The following CDH19 variants were observed in gnomAD, a reference collection of about 807,000 sequenced individuals.
CDH19 encodes the protein cadherin-19.
In CDH19, 67 loss-of-function variants were observed where a neutral mutation model predicts 64.2. That is an observed-to-expected ratio of 1.04 (90% CI 0.86 to 1.28). The LOEUF is 1.28. Ranked by LOEUF, CDH19 falls within the 50% of genes most tolerant of loss-of-function variation. The pLI, the probability that CDH19 is intolerant of heterozygous loss-of-function variation, is 0.00. For missense variants in CDH19, 1,030 were observed against 929.0 expected (o/e 1.11, Z -1.41); for synonymous variants, 346 against 319.3 (o/e 1.08, Z -0.89).
chr18:66,510,693 T>C (rs971368918), intron 10 of CDH19, among the ~76,000 whole-genome samples: 2 of 150,730 alleles, frequency 1.3e-5, no homozygotes, highest in Non-Finnish European at 3.0e-5. Context: ...AGTCTGGAGA[T>C]TTGTCAAAGA....
intron 1 of CDH19, among the ~76,000 whole-genome samples, chr18:66,583,803 A>C (rs1169851542): frequency 6.6e-6 from 1 of 152,126 alleles, no homozygotes; most frequent in Admixed American, 6.6e-5. Flanking sequence ...AGCCATATAC[A>C]AAAGATTGAA....
chr18:66,535,314 T>C (rs8091232), intron 7 of CDH19, among the ~76,000 whole-genome samples: 2,603 of 151,766 alleles, frequency 0.017, 64 homozygotes, highest in African/African-American at 0.058. Flanking sequence ...TGACTTTAGA[T>C]TTAAATTGAT....
intron 1 of CDH19, among the ~76,000 whole-genome samples, chr18:66,581,256 A>G (rs919623677): frequency 1.3e-5 from 2 of 152,160 alleles, no homozygotes; most frequent in Non-Finnish European, 2.9e-5. Context: ...TATTAGCACA[A>G]TATTAGATAC....
intron 3 of CDH19, among the ~76,000 whole-genome samples, chr18:66,562,875 T>A (rs1987773293): frequency 6.6e-6 from 1 of 152,092 alleles, no homozygotes; most frequent in Non-Finnish European, 1.5e-5. Flanking sequence ...TATCCAAACA[T>A]CAGATGTATT....
chr18:66,559,750 A>T (rs1987651803), intron 3 of CDH19, among the ~76,000 whole-genome samples: 1 of 151,130 alleles, frequency 6.6e-6, no homozygotes, highest in South Asian at 2.1e-4. Flanking sequence ...AATATATATG[A>T]AAAGAAATAA....
intron 9 of CDH19, among the ~76,000 whole-genome samples, chr18:66,524,569 T>TATATATATATATATATAAAA (rs1276593665): frequency 7.4e-6 from 1 of 135,164 alleles, no homozygotes; most frequent in African/African-American, 2.6e-5. Context: ...TATATATATA[T>TATATATATATATATATAAAA]AAACATCATC....
At chr18:66,566,637 A>G (rs548028172) in intron 3 of CDH19, among the ~76,000 whole-genome samples, 1 of 152,022 alleles carries the variant, frequency 6.6e-6, no homozygotes, top group South Asian at 2.1e-4. Flanking sequence ...TCTTCAACTT[A>G]CCAAATCAAA....
At chr18:66,522,765 T>C (rs1021789309) in intron 9 of CDH19, among the ~76,000 whole-genome samples, 2 of 151,734 alleles carry the variant, frequency 1.3e-5, no homozygotes, top group African/African-American at 4.8e-5. Flanking sequence ...TTTATGTATT[T>C]ATTAGACATT....
At chr18:66,595,385 A>G (rs979766479) in intron 1 of CDH19, among the ~76,000 whole-genome samples, 5 of 151,796 alleles carry the variant, frequency 3.3e-5, no homozygotes, top group African/African-American at 4.8e-5. Context: ...ACATCAACAA[A>G]ACCAAAGTTG....
chr18:66,521,003 C>A (rs970699301), intron 9 of CDH19, among the ~76,000 whole-genome samples: 8 of 151,830 alleles, frequency 5.3e-5, no homozygotes, highest in Non-Finnish European at 1.2e-4. Flanking sequence ...CCAAAACACC[C>A]TTTACTTTGG....
rs766428987 is a variant in CDH19, at chr18:66,502,742, CTT to C, written c.*2068_*2069del. The C allele has an allele frequency of 4.6e-5, 7 of 151,764 alleles. No homozygotes were observed. The highest frequency in any genetic ancestry group is 7.2e-5 in the African/African-American group (3 of 41,388). The allele number at this position is 151,764 out of a possible 1,614,324, so 9.4% of individuals were successfully genotyped here. On this transcript the variant is annotated 3_prime_UTR_variant, in exon 12 of 12. Coordinates refer to ENST00000262150, the MANE Select transcript of CDH19 (RefSeq NM_021153.4). ...AAATTTTTGCTCCTTTAAATTTTCT[CTT>C]GTTTGGTATTTTTCCTCTTTCCTAA...
At chr18:66,578,261 CA>C (rs1988323008) in intron 1 of CDH19, among the ~76,000 whole-genome samples, 1 of 151,792 alleles carries the variant, frequency 6.6e-6, no homozygotes, top group Admixed American at 6.6e-5. Context: ...TCAGAGTGTA[CA>C]AGGACTTTCA....
intron 1 of CDH19, among the ~76,000 whole-genome samples, chr18:66,602,831 A>G (rs1297089177): frequency 6.6e-6 from 1 of 151,824 alleles, no homozygotes; most frequent in African/African-American, 2.4e-5. Context: ...ATTGTTAGTT[A>G]TTTTATTTGG....
At position 66,559,977 on chromosome 18, in the gene CDH19, T is replaced by C. The variant is rs978714133; in HGVS notation, c.491-5453A>G. Among the ~76,000 whole-genome samples the C allele has an allele frequency of 1.1e-4, 17 of 152,088 alleles. No homozygotes were observed. The East Asian group carries it at 2.1e-3, about 19-fold the overall frequency. On this transcript the variant is annotated intron_variant, in intron 3 of 11. Coordinates refer to ENST00000262150, the MANE Select transcript of CDH19 (RefSeq NM_021153.4). ...ACAATTAAAAAATAAGTAAAATTTG[T>C]ATGGAAAAACAAGGACCAAGTATGG...
At chr18:66,530,330 T>A (rs1291994775) in intron 8 of CDH19, among the ~76,000 whole-genome samples, 6 of 152,082 alleles carry the variant, frequency 3.9e-5, no homozygotes, top group African/African-American at 1.4e-4. Flanking sequence ...GATCAATATA[T>A]GGATTATTAT....
rs766362852 is a variant in CDH19, at chr18:66,551,247, T to C, written c.622A>G (p.Ile208Val). Reference sequence around the variant, plus strand: ...AGTTCTCTATCCATTTTAGAAGATATTCTTATGACTCCTTTAAAAATATAA... The same window carrying C: ...AGTTCTCTATCCATTTTAGAAGATACTCTTATGACTCCTTTAAAAATATAA... ...SVEPTTGVIR[I>V]SSKMDRELQD... The change falls in exon 5 of 12, where the codon ATA (isoleucine) becomes GTA (valine). Residue 208 changes from isoleucine (I) to valine (V), a missense_variant. By Grantham distance (29) the Ile-to-Val change is conservative (BLOSUM62 3). Transcript: ENST00000262150. The C allele has an allele frequency of 1.4e-6, 2 of 1,411,304 alleles. No homozygotes were observed. The highest frequency in any genetic ancestry group is 1.2e-5 in the South Asian group (1 of 83,672). The allele number at this position is 1,411,304 out of a possible 1,614,324, so 87.4% of individuals were successfully genotyped here.
At chr18:66,556,139 C>CT (rs1468203340) in intron 3 of CDH19, among the ~76,000 whole-genome samples, 3 of 151,202 alleles carry the variant, frequency 2.0e-5, no homozygotes, top group Admixed American at 1.3e-4. Flanking sequence ...TTTTAGCATG[C>CT]TTTTTCTATA....
chr18:66,568,644 T>C lies in CDH19; in HGVS notation c.262A>G (p.Ser88Gly), dbSNP rs750518933. The change falls in exon 3 of 12, where the codon AGT (serine) becomes GGT (glycine). Residue 88 changes from serine to glycine, a missense_variant. Transcript: ENST00000262150. ...QYKLLGAGAG[S>G]TFIIDERTGD... is the part of the protein sequence containing the mutation. ...GTTCTTTCATCAATGATAAAAGTAC[T>C]TCCAGCTCCAGCTCCCAAAAGCTTG... is the stretch of plus-strand genomic sequence containing the variant. 2 of 1,611,498 alleles carry C rather than the reference T, an allele frequency of 1.2e-6. No individual in the cohort carries two copies. The highest frequency in any genetic ancestry group is 1.7e-5 in the Admixed American group (1 of 59,722).
At chr18:66,578,345 T>C (rs149313474) in intron 1 of CDH19, among the ~76,000 whole-genome samples, 1 of 151,776 alleles carries the variant, frequency 6.6e-6, no homozygotes, top group African/African-American at 2.4e-5. Flanking sequence ...TCACAAAGAG[T>C]TGACATGTAA....
Sources: allele counts gnomAD v4.1 joint callset (sites outside exome capture counted in the v4.1 genomes callset), GRCh38; gene constraint gnomAD v4.1.1; transcripts MANE v1.5; gene names NCBI Gene and HGNC (gene_info 2026-07-23, HGNC 2026-07-21).